The following NSMCE2 variants were observed in gnomAD, a reference collection of about 807,000 sequenced individuals.
NSMCE2 encodes the protein NSE2 SUMO ligase component of SMC5/6 complex, also known as E3 SUMO-protein ligase NSE2.
A neutral mutation model predicts 23.8 loss-of-function variants in NSMCE2; 24 were observed. The ratio of observed to expected loss-of-function variants is 1.01; its 90% CI spans 0.73 to 1.42. The LOEUF is 1.42. Among genes scored for constraint, NSMCE2 ranks in the 40% most tolerant of loss-of-function variants. The probability of loss-of-function intolerance (pLI) is 0.00; values close to 1 mark genes in which losing one functional copy is unlikely to be tolerated. For missense variants in NSMCE2, 284 were observed against 296.5 expected (o/e 0.96, Z 0.31); for synonymous variants, 92 against 94.1 (o/e 0.98, Z 0.13).
chr8:125,098,963 A>G (rs878860869), intron 1 of NSMCE2, among the ~76,000 whole-genome samples: 1 of 152,088 alleles, frequency 6.6e-6, no homozygotes, highest in Non-Finnish European at 1.5e-5. Context: ...TGGGCATACC[A>G]CCTATACTAC....
intron 5 of NSMCE2, among the ~76,000 whole-genome samples, chr8:125,229,407 A>T (rs535429382): frequency 1.3e-5 from 2 of 152,312 alleles, no homozygotes; most frequent in South Asian, 4.1e-4. Flanking sequence ...TAATATTTTA[A>T]CCTCCTTTCC....
At chr8:125,194,285 G>A (rs1048963857) in intron 5 of NSMCE2, among the ~76,000 whole-genome samples, 1 of 152,062 alleles carries the variant, frequency 6.6e-6, no homozygotes, top group Non-Finnish European at 1.5e-5. Flanking sequence ...GGCAACCACT[G>A]TTTTGTTTTT....
At chr8:125,117,377 G>A (rs1819057547) in intron 3 of NSMCE2, among the ~76,000 whole-genome samples, 2 of 152,174 alleles carry the variant, frequency 1.3e-5, no homozygotes, top group South Asian at 4.2e-4. Context: ...GTGAGCCACT[G>A]CTCCCAGCCT....
At chr8:125,288,902 C>T (rs1235702005) in intron 5 of NSMCE2, among the ~76,000 whole-genome samples, 7 of 152,146 alleles carry the variant, frequency 4.6e-5, no homozygotes, top group Non-Finnish European at 1.0e-4. Context: ...TCAAACCATC[C>T]TCCCACCTCA....
rs187473647 is a variant in NSMCE2, at chr8:125,197,415, T to C, written c.418+15159T>C. ...GGATCCAGTTTCAGCTTTCTACATA[T>C]GACTAGCCAGTTTTCCCAGCACCAT... On this transcript the variant is annotated intron_variant, in intron 5 of 7. Coordinates refer to ENST00000287437, the MANE Select transcript of NSMCE2 (RefSeq NM_173685.4). 8.1e-4 allele frequency among the ~76,000 whole-genome samples: 124 copies of C among 152,356 alleles called. No homozygotes were observed. The East Asian group carries it at 0.021, about 26-fold the overall frequency.
chr8:125,206,109 T>A (rs1824108141), intron 5 of NSMCE2, among the ~76,000 whole-genome samples: 2 of 152,162 alleles, frequency 1.3e-5, no homozygotes, highest in South Asian at 4.1e-4. Context: ...TAATATTAAA[T>A]GTTAAAGCAG....
chr8:125,282,232 A>G (rs1211128776), intron 5 of NSMCE2, among the ~76,000 whole-genome samples: 3 of 150,720 alleles, frequency 2.0e-5, no homozygotes, highest in South Asian at 2.1e-4. Flanking sequence ...TCCTGCCTCA[A>G]CCTCCCAAGT....
chr8:125,116,153 A>C (rs1818996682), intron 3 of NSMCE2, among the ~76,000 whole-genome samples: 1 of 152,218 alleles, frequency 6.6e-6, no homozygotes, highest in Non-Finnish European at 1.5e-5. Context: ...TGTATCAGAC[A>C]TCCAGTTCTT....
At chr8:125,101,078 A>G (rs980879275) in intron 1 of NSMCE2, among the ~76,000 whole-genome samples, 1 of 152,244 alleles carries the variant, frequency 6.6e-6, no homozygotes, top group Non-Finnish European at 1.5e-5. Flanking sequence ...GAGGTAAACA[A>G]ACACTTCAAA....
At chr8:125,296,646 T>G (rs1056251426) in intron 5 of NSMCE2, among the ~76,000 whole-genome samples, 6 of 152,202 alleles carry the variant, frequency 3.9e-5, no homozygotes, top group African/African-American at 1.4e-4. Flanking sequence ...TCCACCCACC[T>G]TGGCCTCCCA....
chr8:125,219,024 A>G (rs1370892335), intron 5 of NSMCE2, among the ~76,000 whole-genome samples: 2 of 152,192 alleles, frequency 1.3e-5, no homozygotes, highest in Non-Finnish European at 2.9e-5. Context: ...CTGTGGTTAC[A>G]TTATCAGAAA....
intron 3 of NSMCE2, among the ~76,000 whole-genome samples, chr8:125,143,486 A>G (rs977019016): frequency 2.0e-5 from 3 of 152,152 alleles, no homozygotes; most frequent in Non-Finnish European, 4.4e-5. Flanking sequence ...TTTAATATTT[A>G]TCAGAGTCTT....
chr8:125,174,697 G>A (rs766696201), intron 4 of NSMCE2, among the ~76,000 whole-genome samples: 4 of 152,150 alleles, frequency 2.6e-5, no homozygotes, highest in Non-Finnish European at 5.9e-5. Flanking sequence ...CGAAAGGCTC[G>A]AAGGAGGAAA....
At chr8:125,275,592 C>T (rs1189919957) in intron 5 of NSMCE2, among the ~76,000 whole-genome samples, 1 of 152,172 alleles carries the variant, frequency 6.6e-6, no homozygotes, top group African/African-American at 2.4e-5. Context: ...TAATCACCCT[C>T]CCAACTCTCC....
intron 5 of NSMCE2, among the ~76,000 whole-genome samples, chr8:125,264,654 G>T (rs1474888909): frequency 6.6e-6 from 1 of 152,006 alleles, no homozygotes; most frequent in Non-Finnish European, 1.5e-5. Flanking sequence ...GGTGATCAGG[G>T]TGGGCTGTTC....
chr8:125,219,618 A>G (rs1160805387), intron 5 of NSMCE2, among the ~76,000 whole-genome samples: 1 of 152,228 alleles, frequency 6.6e-6, no homozygotes, highest in East Asian at 1.9e-4. Flanking sequence ...TTTTGTTTCA[A>G]AGTCAAATGA....
intron 5 of NSMCE2, among the ~76,000 whole-genome samples, chr8:125,289,341 C>T (rs892284327): frequency 3.3e-5 from 5 of 152,136 alleles, no homozygotes; most frequent in African/African-American, 1.2e-4. Context: ...CCCATCTTTG[C>T]GTTTGAACAT....
intron 3 of NSMCE2, chr8:125,130,218 T>C (rs1486787230): frequency 4.4e-6 from 2 of 455,598 alleles, no homozygotes; most frequent in African/African-American, 4.0e-5. Context: ...TACAGGTTTT[T>C]GGGAAGAAGA....
At chr8:125,247,060 A>G (rs1259361105) in intron 5 of NSMCE2, among the ~76,000 whole-genome samples, 6 of 151,264 alleles carry the variant, frequency 4.0e-5, no homozygotes, top group Non-Finnish European at 8.8e-5. Flanking sequence ...TGGCATGGTG[A>G]CTCACACCTC....
Sources: gnomAD v4.1 joint callset for allele counts (sites outside exome capture counted in the v4.1 genomes callset) on GRCh38, gnomAD v4.1.1 for gene constraint, MANE v1.5 for transcripts, NCBI Gene and HGNC (gene_info 2026-07-23, HGNC 2026-07-21) for gene names.